NBPF12: variants seen among roughly 807,000 people sequenced by gnomAD.
The protein encoded by NBPF12 is NBPF family member NBPF12.
Under a neutral mutation model 146.4 loss-of-function variants are expected in NBPF12, and 115 were observed. The ratio of observed to expected loss-of-function variants is 0.79; its 90% CI spans 0.68 to 0.92. The LOEUF (loss-of-function observed/expected upper bound fraction) is 0.92, where lower values mean the gene tolerates loss of function less well. NBPF12 is among the 40% of genes least tolerant of loss of function. The pLI is 0.00. For synonymous variants in NBPF12, 385 were observed against 508.9 expected (o/e 0.76, Z 3.28); for missense variants, 1,205 against 1,326.8 (o/e 0.91, Z 1.43).
chr1:146,966,554 A>G (rs2101861421), exon 9 of NBPF12: 2 of 1,414,176 alleles, frequency 1.4e-6, no homozygotes, highest in East Asian at 4.6e-5. Flanking sequence ...AACATTCTAG[A>G]AATCAATGAG....
At chr1:146,977,315 C>G in intron 17 of NBPF12, 151 bp from the exon 21 acceptor site, 5 of 1,120,238 alleles carry the variant, frequency 4.5e-6, no homozygotes, top group Non-Finnish European at 6.6e-6. Context: ...GCAGACAGAA[C>G]AGGATTGCAT....
intron 1 of NBPF12, among the ~76,000 whole-genome samples, chr1:146,951,020 C>T (rs1428383478): frequency 1.3e-5 from 2 of 151,906 alleles, no homozygotes; most frequent in African/African-American, 4.8e-5. Context: ...TTGTACATTC[C>T]AACCATTAAT....
In NBPF12 at chr1:146,971,164, G is replaced by C. The variant is rs1656586896; in HGVS notation, c.1380-19G>C. On this transcript the variant is annotated intron_variant, in intron 12 of 33. Transcript: ENST00000617844. The stretch of plus-strand genomic sequence containing the variant: ...CTGTGTTTAATCTTCTGTCATCTCT[G>C]TCCCACCTGGCTCATCAGGGAGATG... 3.1e-6 allele frequency: 5 copies of C among 1,610,706 alleles called. No individual in the cohort carries two copies. Among genetic ancestry groups the C allele is most frequent in the South Asian group, 1.1e-5 (1 of 90,978 alleles).
At chr1:146,965,707 G>T (rs1352318360) in intron 8 of NBPF12, among the ~76,000 whole-genome samples, 4 of 140,466 alleles carry the variant, frequency 2.8e-5, no homozygotes, top group Non-Finnish European at 4.5e-5. Flanking sequence ...CAGGAGAATG[G>T]CATGAACCCA....
At chr1:146,978,607 T>A (rs1294386002) in intron 18 of NBPF12, among the ~76,000 whole-genome samples, 1 of 151,892 alleles carries the variant, frequency 6.6e-6, no homozygotes, top group Non-Finnish European at 1.5e-5. Flanking sequence ...CTAAACATTT[T>A]ATGTCCACGT....
upstream of NBPF12, among the ~76,000 whole-genome samples, chr1:146,938,348 G>C (rs1363074530): frequency 3.3e-5 from 5 of 152,246 alleles, no homozygotes; most frequent in African/African-American, 7.2e-5. Context: ...GGGGCGGTGC[G>C]GCAGCGCGAA....
rs2101904958 is a variant in NBPF12 at position 146,983,006 on chromosome 1, T to C, written c.2529T>C (p.Pro843=). 15 of 1,609,490 alleles carry C rather than the reference T, an allele frequency of 9.3e-6. No individual in the cohort carries two copies. In the South Asian group the frequency reaches 1.3e-4, roughly 14 times the overall value. The change falls in exon 20 of 34, where the codon CCT becomes CCC. Residue 843 remains proline, a synonymous_variant. Transcript: ENST00000617844. ...GTTATTCGACTCTCTCAATTCCTCC[T>C]GAAAGGTTGGCCTCATACCAGTCTT...
chr1:146,983,302 G>A lies in NBPF12; in HGVS notation c.2614+211G>A, dbSNP rs1197818795. 9 of 598,694 alleles carry A rather than the reference G, an allele frequency of 1.5e-5. 1 individual carries two copies. Among genetic ancestry groups the A allele is most frequent in the Non-Finnish European group, 2.5e-5 (9 of 365,600 alleles). 37.1% of individuals were successfully genotyped at this position (598,694 alleles called of 1,614,324 possible). On this transcript the variant is annotated intron_variant, in intron 20 of 33. Coordinates refer to ENST00000617844, the Ensembl canonical transcript of NBPF12. ...AGCTCTGCTCTCTTCCTAGTCTCAG[G>A]CCATGCCCGTGCCAACCTGGACTGA...
intron 13 of NBPF12, among the ~76,000 whole-genome samples, chr1:146,971,636 A>G (rs2101877219): frequency 6.7e-6 from 1 of 149,172 alleles, no homozygotes; most frequent in East Asian, 2.0e-4. Flanking sequence ...GAAGAATACA[A>G]AAAATTAGGC....
At chr1:146,993,556 G>A in intron 32 of NBPF12, 43 bp from the exon 36 acceptor site, 1 of 33,408 alleles carries the variant, frequency 3.0e-5, no homozygotes, top group Non-Finnish European at 4.7e-5. Flanking sequence ...TGTGTGTAGG[G>A]GAATCAGCTT....
chr1:146,972,185 A>T (rs1204318464), intron 13 of NBPF12, among the ~76,000 whole-genome samples: 6 of 150,976 alleles, frequency 4.0e-5, no homozygotes, highest in Non-Finnish European at 8.8e-5. Flanking sequence ...ACCTGAGGTC[A>T]GGAGTTCGAA....
At chr1:146,950,066 A>AG (rs1655262790) in intron 1 of NBPF12, among the ~76,000 whole-genome samples, 1 of 152,120 alleles carries the variant, frequency 6.6e-6, no homozygotes, top group Admixed American at 6.5e-5. Flanking sequence ...TTTAGAGACA[A>AG]GGGTGTGGCA....
chr1:146,942,367 T>C (rs1362557927), intron 1 of NBPF12, among the ~76,000 whole-genome samples: 1 of 151,314 alleles, frequency 6.6e-6, no homozygotes, highest in Non-Finnish European at 1.5e-5. Context: ...TTTGTAAATA[T>C]AGTATTCATT....
chr1:146,975,347 G>A lies in NBPF12; in HGVS notation c.1905-330G>A, dbSNP rs1236017033. The stretch of plus-strand genomic sequence containing the variant: ...CTAATGGCCGCAAGATGCACTATGT[G>A]TATTTTCACATGGAAATGTCCATGG... On this transcript the variant is annotated intron_variant, in intron 15 of 33. Coordinates refer to ENST00000617844, the Ensembl canonical transcript of NBPF12. Among the ~76,000 whole-genome samples the A allele has an allele frequency of 8.5e-3, 1,202 of 141,336 alleles. 33 individuals carry two copies. The highest frequency in any genetic ancestry group is 0.032 in the African/African-American group (1,135 of 35,882). 92.7% of individuals were successfully genotyped at this position (141,336 alleles called of 152,430 possible).
intron 19 of NBPF12, among the ~76,000 whole-genome samples, chr1:146,981,162 GGAGATATACC>G (rs1340604820): frequency 9.7e-5 from 13 of 134,550 alleles, no homozygotes; most frequent in African/African-American, 3.6e-4. Context: ...GGTAGCATTA[GGAGATATACC>G]TAATGTTAAA....
At chr1:146,962,540 T>G (rs1180444060) in intron 5 of NBPF12, among the ~76,000 whole-genome samples, 1 of 151,676 alleles carries the variant, frequency 6.6e-6, no homozygotes, top group Non-Finnish European at 1.5e-5. Context: ...GGGAACCACC[T>G]AGCAGCATTC....
intron 16 of NBPF12, among the ~76,000 whole-genome samples, chr1:146,976,360 C>G (rs1244244094): frequency 1.4e-5 from 2 of 139,412 alleles, no homozygotes; most frequent in South Asian, 2.6e-4. Context: ...ACACTTACAA[C>G]TGCTTTCCAA....
At chr1:146,981,314 T>C (rs1282227196) in intron 19 of NBPF12, among the ~76,000 whole-genome samples, 21,684 of 125,332 alleles carry the variant, frequency 0.17, 2,373 homozygotes, top group South Asian at 0.35. Context: ...TATATATATA[T>C]ACATACACAC....
chr1:146,984,239 A>C lies in NBPF12; in HGVS notation c.2666+54A>C, dbSNP rs1263841973. ...TTTGATGTTGACACCTGGAGATGCCAAGTCCAGGGAAAACAGTACACGCTG... is the reference window on the plus strand; with the variant it reads ...TTTGATGTTGACACCTGGAGATGCCCAGTCCAGGGAAAACAGTACACGCTG... On this transcript the variant is annotated intron_variant, in intron 21 of 33. Coordinates refer to ENST00000617844, the Ensembl canonical transcript of NBPF12. 3.3e-5 allele frequency: 26 copies of C among 784,916 alleles called. 1 individual carries two copies. Among genetic ancestry groups the C allele is most frequent in the African/African-American group, 1.7e-4 (10 of 59,144 alleles). 48.6% of individuals were successfully genotyped at this position (784,916 alleles called of 1,614,324 possible). A position where few individuals can be genotyped will look rare whatever the true frequency, so the allele number is the denominator to read the frequency against.
Sources: gnomAD v4.1 joint callset for allele counts (sites outside exome capture counted in the v4.1 genomes callset) on GRCh38, gnomAD v4.1.1 for gene constraint, MANE v1.5 for transcripts, NCBI Gene and HGNC (gene_info 2026-07-23, HGNC 2026-07-21) for gene names.